Variants in RBM20 observed in about 807,000 individuals in gnomAD.
RBM20 encodes the protein RNA-binding protein 20.
In RBM20, 51 loss-of-function variants were observed where a neutral mutation model predicts 110.1. The ratio of observed to expected loss-of-function variants is 0.46; its 90% confidence interval spans 0.37 to 0.59. RBM20 has a LOEUF of 0.59. Among genes scored for constraint, RBM20 ranks in the 20% least tolerant of loss-of-function variants. RBM20 has a pLI of 0.00. For missense variants in RBM20, 1,512 were observed against 1,574.9 expected (o/e 0.96, Z 0.68); for synonymous variants, 589 against 618.2 (o/e 0.95, Z 0.70).
chr10:110,688,546 T>G (rs1355664469), intron 1 of RBM20, among the ~76,000 whole-genome samples: 1 of 152,232 alleles, frequency 6.6e-6, no homozygotes, highest in African/African-American at 2.4e-5. Context: ...GATTTTTATC[T>G]GAAAAGTAAA....
intron 8 of RBM20, 72 bp downstream of exon 8, chr10:110,810,534 G>A: frequency 8.9e-7 from 1 of 1,119,856 alleles, no homozygotes; most frequent in Non-Finnish European, 1.3e-6. Context: ...CTCATTCTTA[G>A]GGGCATTTGA....
chr10:110,669,484 G>A (rs964711084), intron 1 of RBM20, among the ~76,000 whole-genome samples: 6 of 152,180 alleles, frequency 3.9e-5, no homozygotes, highest in East Asian at 1.9e-4. Context: ...AACCACTTAC[G>A]TGATTGTATG....
chr10:110,800,962 C>T (rs1387243651), intron 7 of RBM20, among the ~76,000 whole-genome samples: 1 of 152,122 alleles, frequency 6.6e-6, no homozygotes, highest in Non-Finnish European at 1.5e-5. Context: ...TAATCTGAAC[C>T]TTCTCAAACA....
intron 5 of RBM20, among the ~76,000 whole-genome samples, chr10:110,792,253 G>A (rs760325260): frequency 2.6e-5 from 4 of 152,008 alleles, no homozygotes; most frequent in Non-Finnish European, 5.9e-5. Flanking sequence ...GTAGGTTGGT[G>A]ACATTGTACC....
chr10:110,644,596 C>A lies in RBM20; in HGVS notation c.142C>A (p.Pro48Thr). 6.6e-7 allele frequency: 1 copy of A among 1,524,318 alleles called. No individual in the cohort carries two copies. Among genetic ancestry groups the A allele is most frequent in the African/African-American group, 1.4e-5 (1 of 70,582 alleles). 94.4% of individuals were successfully genotyped at this position (1,524,318 alleles called of 1,614,324 possible). ...AGGGATGCAGCAGCCGCCGCCGCCG[C>A]CCCAGCCACCGCCCCCGCCCCAAGC... ...PRGMQQPPPP[P>T]QPPPPPQAGL... is the part of the protein sequence containing the mutation. Residue 48 changes from proline to threonine, a missense_variant, in exon 1 of 14, where the codon CCC becomes ACC. Transcript: ENST00000369519. The surrounding 1 kb of genome is among the most constrained non-coding windows in gnomAD (Gnocchi z 4.3).
intron 1 of RBM20, among the ~76,000 whole-genome samples, chr10:110,771,760 G>A (rs1844195420): frequency 6.6e-6 from 1 of 152,200 alleles, no homozygotes; most frequent in Non-Finnish European, 1.5e-5. Context: ...GGAGTAGGGA[G>A]GAGGTTGTGT....
At chr10:110,765,288 T>C (rs752708845) in intron 1 of RBM20, among the ~76,000 whole-genome samples, 1 of 151,972 alleles carries the variant, frequency 6.6e-6, no homozygotes, top group Non-Finnish European at 1.5e-5. Context: ...TTGGCAGTGA[T>C]GGAAAATGAA....
intron 9 of RBM20, among the ~76,000 whole-genome samples, chr10:110,816,991 A>C (rs1316983751): frequency 2.6e-5 from 4 of 152,246 alleles, no homozygotes; most frequent in African/African-American, 9.6e-5. Context: ...GGCCACGTCC[A>C]TACCTGAGAC....
At chr10:110,835,297 C>T (rs1845109269) in intron 13 of RBM20, 1 of 150,812 alleles carries the variant, frequency 6.6e-6, no homozygotes, top group Admixed American at 6.6e-5. Flanking sequence ...TATAGCTGTA[C>T]TTTCTACTCT....
At chr10:110,759,243 G>A (rs1353478955) in intron 1 of RBM20, among the ~76,000 whole-genome samples, 9 of 152,144 alleles carry the variant, frequency 5.9e-5, no homozygotes, top group Non-Finnish European at 7.4e-5. Flanking sequence ...CCCTACCATG[G>A]CTCCTTCAAG....
chr10:110,814,074 T>C (rs1220526978), intron 9 of RBM20, among the ~76,000 whole-genome samples: 1 of 151,858 alleles, frequency 6.6e-6, no homozygotes, highest in East Asian at 1.9e-4. Context: ...ATTTTTAAAA[T>C]CCTCCACACA....
intron 1 of RBM20, among the ~76,000 whole-genome samples, chr10:110,692,361 A>G (rs1862598072): frequency 6.6e-6 from 1 of 152,204 alleles, no homozygotes. Context: ...CACTTACAAT[A>G]TTAAGTCTAC....
intron 1 of RBM20, among the ~76,000 whole-genome samples, chr10:110,678,191 G>A (rs908843272): frequency 3.9e-5 from 6 of 152,176 alleles, no homozygotes; most frequent in African/African-American, 1.2e-4. Context: ...AGAGCTATGG[G>A]AGTACTCAAA....
At chr10:110,803,398 G>A (rs147460756) in intron 7 of RBM20, among the ~76,000 whole-genome samples, 68 of 152,284 alleles carry the variant, frequency 4.5e-4, no homozygotes, top group Middle Eastern at 3.4e-3. Flanking sequence ...CCAAGAAGCC[G>A]CAGAGATAGT....
rs536389567 is a variant in RBM20 at position 110,823,127 on chromosome 10, C to T, written c.3317-353C>T. ...GGTGGACGTCAGCACAATTTTTGCC[C>T]GTCAGTAATTCCTCTGCCTGCAGAG... On this transcript the variant is annotated intron_variant, in intron 11 of 13. Coordinates refer to ENST00000369519, the MANE Select transcript of RBM20 (RefSeq NM_001134363.3). 2.6e-5 allele frequency among the ~76,000 whole-genome samples: 4 copies of T among 151,556 alleles called. No homozygotes were observed. In the South Asian group the frequency reaches 8.4e-4, roughly 32 times the overall value.
chr10:110,655,246 T>A (rs1292122374), intron 1 of RBM20, among the ~76,000 whole-genome samples: 1 of 151,964 alleles, frequency 6.6e-6, no homozygotes. Context: ...CAATTAAAAC[T>A]TTTTTTTCCT....
chr10:110,646,065 A>T (rs1861862680), intron 1 of RBM20, among the ~76,000 whole-genome samples: 1 of 152,204 alleles, frequency 6.6e-6, no homozygotes, highest in Non-Finnish European at 1.5e-5. Flanking sequence ...TGAAAAATCC[A>T]ATTTGGCCAA....
At chr10:110,684,930 G>C (rs1313532897) in intron 1 of RBM20, among the ~76,000 whole-genome samples, 3 of 152,222 alleles carry the variant, frequency 2.0e-5, no homozygotes, top group Admixed American at 2.0e-4. Flanking sequence ...GACAAGTAAA[G>C]AGAACTGCTG....
chr10:110,828,532 G>A (rs150448341), intron 12 of RBM20, among the ~76,000 whole-genome samples: 1 of 152,274 alleles, frequency 6.6e-6, no homozygotes, highest in Non-Finnish European at 1.5e-5. Context: ...GAGAGGTTGG[G>A]GTTCAAGTGA....
Sources: gnomAD v4.1 joint callset for allele counts (sites outside exome capture counted in the v4.1 genomes callset) on GRCh38, gnomAD v4.1.1 for gene constraint, Gnocchi (gnomAD v3.1) non-coding constraint, MANE v1.5 for transcripts, NCBI Gene and HGNC (gene_info 2026-07-23, HGNC 2026-07-21) for gene names.